Variants in TMC1 observed in about 807,000 individuals in gnomAD.
TMC1 encodes transmembrane channel-like protein 1.
A neutral mutation model predicts 105.8 loss-of-function variants in TMC1; 84 were observed. The ratio of observed to expected loss-of-function variants is 0.79; its 90% confidence interval spans 0.67 to 0.95. The LOEUF (loss-of-function observed/expected upper bound fraction) is 0.95, where lower values mean the gene tolerates loss of function less well. Ranked by LOEUF, TMC1 falls within the 40% of genes least tolerant of loss-of-function variation. TMC1 has a pLI of 0.00. For missense variants in TMC1, 817 were observed against 914.1 expected (o/e 0.89, Z 1.37); for synonymous variants, 315 against 311.5 (o/e 1.01, Z -0.12).
In TMC1 at chr9:72,650,558, T is replaced by C. The variant is rs192481087; in HGVS notation, c.16+1894T>C. 1.4e-3 allele frequency among the ~76,000 whole-genome samples: 208 copies of C among 152,060 alleles called. 3 individuals are homozygous for C. The highest frequency in any genetic ancestry group is 2.2e-3 in the Non-Finnish European group (151 of 67,978). On this transcript the variant is annotated intron_variant, in intron 5 of 23. Transcript: ENST00000297784. ...TGAAAGTTTGTTACATAGGTAAACA[T>C]GTGTCACAGGGGTTTGTTGTGCATA...
At chr9:72,641,440 A>G (rs773794908) in intron 4 of TMC1, among the ~76,000 whole-genome samples, 1 of 152,188 alleles carries the variant, frequency 6.6e-6, no homozygotes, top group Non-Finnish European at 1.5e-5. Flanking sequence ...TGTGTCAAAA[A>G]CAGTCCTCTT....
chr9:72,791,825 C>CA (rs1828272059), intron 15 of TMC1, 61 bp from the exon 16 acceptor site: 30 of 1,484,052 alleles, frequency 2.0e-5, no homozygotes, highest in Non-Finnish European at 2.2e-5. Flanking sequence ...AAAATTCTGG[C>CA]AAAAAGCAAT....
At chr9:72,526,627 T>C (rs1239145618) in intron 1 of TMC1, among the ~76,000 whole-genome samples, 1 of 152,178 alleles carries the variant, frequency 6.6e-6, no homozygotes, top group Admixed American at 6.6e-5. Flanking sequence ...CAAAACAAGA[T>C]TAACTAAATT....
chr9:72,803,272 A>G lies in TMC1; in HGVS notation c.1567-2110A>G, dbSNP rs183610057. On this transcript the variant is annotated intron_variant, in intron 17 of 23. Coordinates refer to ENST00000297784, the MANE Select transcript of TMC1 (RefSeq NM_138691.3). ...GCTTATATATAAAAGCCAAAACTAT[A>G]AAAACCATAGAAGAAAATCTAGGCA... is the stretch of plus-strand genomic sequence containing the variant. Among the ~76,000 whole-genome samples, 40 of 152,368 alleles carry G rather than the reference A, an allele frequency of 2.6e-4. No individual in the cohort carries two copies. The East Asian group carries it at 7.7e-3, about 29-fold the overall frequency.
chr9:72,822,744 G>A (rs1432969777), intron 20 of TMC1, among the ~76,000 whole-genome samples: 1 of 152,132 alleles, frequency 6.6e-6, no homozygotes, highest in Non-Finnish European at 1.5e-5. Context: ...TATTATCCAG[G>A]ATAAGTTTAG....
chr9:72,700,516 A>G lies in TMC1; in HGVS notation c.237-2A>G. On this transcript the variant is annotated splice_acceptor_variant, in intron 7 of 23. Transcript: ENST00000297784. LOFTEE classifies it high-confidence loss of function. ...TAAGGTGTTTCTTTTTTACTTTTAA[A>G]GAGAAGAAGAAGAAATTGATGAAGA... 1 of 1,588,546 alleles carries G rather than the reference A, an allele frequency of 6.3e-7. No individual in the cohort carries two copies. The highest frequency in any genetic ancestry group is 8.6e-7 in the Non-Finnish European group (1 of 1,163,706).
In TMC1 at chr9:72,792,315, T is replaced by C; in HGVS notation, c.1529T>C (p.Val510Ala). Residue 510 changes from valine to alanine, a missense_variant, in exon 17 of 24, where the codon GTA (valine) becomes GCA (alanine). Physicochemically the swap from Val to Ala is moderately conservative, Grantham distance 64. Transcript: ENST00000297784. ...GPPFFVHPAD[V>A]PRGPCWETMV... ...CCCTTTTTTGTTCACCCTGCAGATG[T>C]ACCTCGAGGACCTTGCTGGGAAACA... The C allele has an allele frequency of 6.2e-7, 1 of 1,614,184 alleles. No individual in the cohort carries two copies. The highest frequency in any genetic ancestry group is 8.5e-7 in the Non-Finnish European group (1 of 1,180,016).
chr9:72,668,043 T>C (rs947135842), intron 5 of TMC1, among the ~76,000 whole-genome samples: 6 of 151,452 alleles, frequency 4.0e-5, no homozygotes, highest in Non-Finnish European at 8.8e-5. Flanking sequence ...AATATCTTTT[T>C]TCCTAGTTAG....
intron 2 of TMC1, among the ~76,000 whole-genome samples, chr9:72,592,102 T>C (rs1176716654): frequency 6.6e-6 from 1 of 152,102 alleles, no homozygotes; most frequent in Non-Finnish European, 1.5e-5. Flanking sequence ...GTAGATAACA[T>C]CAACAGGATT....
intron 7 of TMC1, among the ~76,000 whole-genome samples, chr9:72,696,776 A>G (rs940700704): frequency 2.6e-5 from 4 of 152,182 alleles, no homozygotes; most frequent in Admixed American, 2.6e-4. Context: ...TAAGTAATAT[A>G]TTCATAGCAG....
At chr9:72,782,464 A>G (rs1159298701) in intron 13 of TMC1, among the ~76,000 whole-genome samples, 1 of 152,182 alleles carries the variant, frequency 6.6e-6, no homozygotes, top group East Asian at 1.9e-4. Flanking sequence ...AGCCAGAGCA[A>G]TTAGGCAAGA....
At chr9:72,763,885 C>T (rs941995921) in intron 12 of TMC1, among the ~76,000 whole-genome samples, 8 of 151,662 alleles carry the variant, frequency 5.3e-5, no homozygotes, top group South Asian at 2.1e-4. Context: ...AGACTGTAGA[C>T]GGGCAAGATG....
At chr9:72,624,412 C>A (rs1321262388) in intron 3 of TMC1, among the ~76,000 whole-genome samples, 1 of 152,158 alleles carries the variant, frequency 6.6e-6, no homozygotes, top group African/African-American at 2.4e-5. Context: ...TTTCCCCACA[C>A]CTTTTCTCTG....
At chr9:72,751,602 A>T (rs961264405) in intron 10 of TMC1, among the ~76,000 whole-genome samples, 51 of 152,374 alleles carry the variant, frequency 3.3e-4, no homozygotes, top group South Asian at 8.3e-4. Flanking sequence ...ATGATGGGGT[A>T]GGTCACATGC....
intron 8 of TMC1, among the ~76,000 whole-genome samples, chr9:72,721,593 C>T (rs1207973019): frequency 6.6e-6 from 1 of 152,160 alleles, no homozygotes; most frequent in Non-Finnish European, 1.5e-5. Context: ...TTCTTCCCAA[C>T]AATGACAATA....
chr9:72,806,752 CG>C (rs1564568228), intron 18 of TMC1, among the ~76,000 whole-genome samples: 2 of 150,584 alleles, frequency 1.3e-5, no homozygotes, highest in Non-Finnish European at 3.0e-5. Flanking sequence ...GGATGGCGGC[CG>C]GGCGGAGACG....
chr9:72,639,814 A>T (rs1029118277), intron 4 of TMC1, among the ~76,000 whole-genome samples: 1 of 152,210 alleles, frequency 6.6e-6, no homozygotes, highest in African/African-American at 2.4e-5. Context: ...CTTCAAATGT[A>T]ATTTAATTTT....
At chr9:72,731,341 T>C (rs763109763) in intron 8 of TMC1, among the ~76,000 whole-genome samples, 4 of 152,082 alleles carry the variant, frequency 2.6e-5, no homozygotes, top group African/African-American at 7.2e-5. Flanking sequence ...TCACACTACC[T>C]AGGGGGTGGA....
At chr9:72,816,334 C>A (rs1828787901) in intron 19 of TMC1, 124 bp downstream of exon 19, 1 of 873,328 alleles carries the variant, frequency 1.1e-6, no homozygotes, top group Admixed American at 1.9e-5. Context: ...TTTACTTTTG[C>A]AAAGTGGATG....
Sources: allele counts gnomAD v4.1 joint callset (sites outside exome capture counted in the v4.1 genomes callset), GRCh38; gene constraint gnomAD v4.1.1; transcripts MANE v1.5; gene names NCBI Gene and HGNC (gene_info 2026-07-23, HGNC 2026-07-21).